Variants in FKBP3 observed in about 807,000 individuals in gnomAD.
The protein encoded by FKBP3 is FKBP prolyl isomerase 3.
Under a neutral mutation model 30.6 loss-of-function variants are expected in FKBP3, and 21 were observed. The observed-to-expected ratio is 0.69, with a 90% CI of 0.49 to 0.99. The LOEUF is 0.99. Among genes scored for constraint, FKBP3 ranks in the 50% least tolerant of loss-of-function variants. The pLI is 0.00. For synonymous variants in FKBP3, 82 were observed against 91.3 expected (o/e 0.90, Z 0.58); for missense variants, 283 against 261.6 (o/e 1.08, Z -0.56).
intron 6 of FKBP3, 72 bp downstream of exon 6, chr14:45,117,956 T>C (rs1246237274): frequency 2.7e-6 from 3 of 1,125,834 alleles, no homozygotes; most frequent in African/African-American, 3.2e-5. Flanking sequence ...AGACAGCATC[T>C]TTCACATCCT....
At position 45,120,770 on chromosome 14, in the gene FKBP3, T is replaced by G. The variant is rs140785309; in HGVS notation, c.522+117A>C. 4.9e-5 allele frequency: 39 copies of G among 791,858 alleles called. No homozygotes were observed. In the African/African-American group the frequency reaches 6.0e-4, roughly 12 times the overall value. The allele number at this position is 791,858 out of a possible 1,614,324, so 49.1% of individuals were successfully genotyped here. A position where few individuals can be genotyped will look rare whatever the true frequency, so the allele number is the denominator to read the frequency against. On this transcript the variant is annotated intron_variant, in intron 5 of 6. Coordinates refer to ENST00000396062, the MANE Select transcript of FKBP3 (RefSeq NM_002013.4). Reference sequence around the variant, plus strand: ...GCTAACAATGATTATACCCAATCTGTCAGACTCCAAAGTCTGTTTCCTTTG... The same window carrying G: ...GCTAACAATGATTATACCCAATCTGGCAGACTCCAAAGTCTGTTTCCTTTG...
At chr14:45,129,716 A>C in intron 3 of FKBP3, 78 bp downstream of exon 3, 2 of 865,832 alleles carry the variant, frequency 2.3e-6, no homozygotes, top group Non-Finnish European at 1.7e-6. Flanking sequence ...CACTATGAGA[A>C]GTTAGTGCAA....
intron 3 of FKBP3, among the ~76,000 whole-genome samples, chr14:45,123,485 G>A (rs1408311905): frequency 6.6e-6 from 1 of 151,022 alleles, no homozygotes; most frequent in Non-Finnish European, 1.5e-5. Context: ...CTCTGTGGGA[G>A]CCTGATTTTG....
intron 3 of FKBP3, among the ~76,000 whole-genome samples, chr14:45,122,380 CTA>C (rs1343735226): frequency 2.0e-5 from 3 of 152,162 alleles, no homozygotes; most frequent in Non-Finnish European, 4.4e-5. Context: ...TTATCCAAAT[CTA>C]TATTTGGTTT....
rs536298530 is a variant in FKBP3 at position 45,131,628 on chromosome 14, C to CAAAA, written c.109-832_109-829dup. The stretch of plus-strand genomic sequence containing the variant: ...TAGGTGACAGAGCAAGACTCTGTCT[C>CAAAA]AAAAAAAAAAAAAAAAAAAAAAAAA... On this transcript the variant is annotated intron_variant, in intron 1 of 6. Coordinates refer to ENST00000396062, the MANE Select transcript of FKBP3 (RefSeq NM_002013.4). Among the ~76,000 whole-genome samples the CAAAA allele has an allele frequency of 4.9e-3, 192 of 39,450 alleles. 23 individuals are homozygous for CAAAA. Among genetic ancestry groups the CAAAA allele is most frequent in the African/African-American group, 0.016 (182 of 11,554 alleles). 25.9% of individuals were successfully genotyped at this position (39,450 alleles called of 152,430 possible). A position where few individuals can be genotyped will look rare whatever the true frequency, so the allele number is the denominator to read the frequency against.
At position 45,130,734 on chromosome 14, in the gene FKBP3, A is replaced by C. The variant is rs892664590; in HGVS notation, c.175T>G (p.Leu59Val). The change falls in exon 2 of 7, where the codon TTG becomes GTG. Residue 59 changes from leucine to valine, a missense_variant. Transcript: ENST00000396062. ...NVAKTANKDH[L>V]VTAYNHLFET... The stretch of plus-strand genomic sequence containing the variant: ...AAAAGATGGTTATAGGCTGTAACCA[A>C]GTGGTCCTTGTTAGCTGTCTTGGCC... 9 of 1,610,596 alleles carry C rather than the reference A, an allele frequency of 5.6e-6. No homozygotes were observed. The highest frequency in any genetic ancestry group is 2.7e-5 in the African/African-American group (2 of 74,794).
At position 45,118,054 on chromosome 14, in the gene FKBP3, G is replaced by A. The variant is rs201091062; in HGVS notation, c.594C>T (p.Tyr198=). The change falls in exon 6 of 7, where the codon TAC becomes TAT. Residue 198 remains tyrosine (Y), a synonymous_variant. Transcript: ENST00000396062. ...TGGCATCAGGCTGTCCTTTCTTTCC[G>A]TAAGCCCATTCTGGTTCAATCTCCA... ...ARLEIEPEWA[Y]GKKGQPDAKI... is the part of the protein sequence containing the mutation. 10 of 1,603,674 alleles carry A rather than the reference G, an allele frequency of 6.2e-6. No individual in the cohort carries two copies. The highest frequency in any genetic ancestry group is 5.2e-5 in the Admixed American group (3 of 57,996).
In FKBP3 at chr14:45,121,723, T is replaced by C. The variant is rs1884990606; in HGVS notation, c.319-103A>G. 7 of 1,316,300 alleles carry C rather than the reference T, an allele frequency of 5.3e-6. No individual in the cohort carries two copies. The South Asian group carries it at 1.1e-4, about 20-fold the overall frequency. 81.5% of individuals were successfully genotyped at this position (1,316,300 alleles called of 1,614,324 possible). A position where few individuals can be genotyped will look rare whatever the true frequency, so the allele number is the denominator to read the frequency against. On this transcript the variant is annotated intron_variant, in intron 3 of 6. Transcript: ENST00000396062. ...ATGACCAAAGTCAGTTTAAAGAGTTTGATGGATTTGGTAATAAATAAACAA... is the reference window on the plus strand; with the variant it reads ...ATGACCAAAGTCAGTTTAAAGAGTTCGATGGATTTGGTAATAAATAAACAA...
At chr14:45,134,277 T>A (rs910758839) in intron 1 of FKBP3, 72 bp downstream of exon 1, 2 of 1,202,168 alleles carry the variant, frequency 1.7e-6, no homozygotes, top group African/African-American at 1.5e-5. Context: ...GAATACGGAA[T>A]GTATGGGCAT....
intron 2 of FKBP3, among the ~76,000 whole-genome samples, chr14:45,130,328 G>C (rs187376770): frequency 1.3e-5 from 2 of 152,104 alleles, no homozygotes; most frequent in African/African-American, 4.8e-5. Context: ...TTAGTGAAAT[G>C]GAAACTTATT....
chr14:45,132,629 G>A (rs1468609176), intron 1 of FKBP3, among the ~76,000 whole-genome samples: 1 of 151,786 alleles, frequency 6.6e-6, no homozygotes, highest in Non-Finnish European at 1.5e-5. Flanking sequence ...CTCAATGCCT[G>A]GCCTCAACTG....
chr14:45,125,852 A>G (rs1348665520), intron 3 of FKBP3, among the ~76,000 whole-genome samples: 3 of 152,122 alleles, frequency 2.0e-5, no homozygotes, highest in South Asian at 2.1e-4. Flanking sequence ...GAGGTAGGAA[A>G]GGGCATGATG....
intron 1 of FKBP3, chr14:45,131,038 T>C (rs1885203162): frequency 6.7e-6 from 2 of 296,416 alleles, no homozygotes. Flanking sequence ...CTGAACACAG[T>C]GTTTCATCCT....
In FKBP3 at chr14:45,134,422, A is replaced by G; in HGVS notation, c.35T>C (p.Val12Ala). 1 of 1,613,548 alleles carries G rather than the reference A, an allele frequency of 6.2e-7. No individual in the cohort carries two copies. The highest frequency in any genetic ancestry group is 1.1e-5 in the South Asian group (1 of 91,070). Residue 12 changes from valine to alanine, a missense_variant, in exon 1 of 7, where the codon GTG becomes GCG. Transcript: ENST00000396062. ...AAAVPQRAWTVEQLRSEQLPK... is the reference protein window; with the variant it reads ...AAAVPQRAWTAEQLRSEQLPK... ...CAGCTGCTCACTGCGCAGCTGCTCC[A>G]CGGTCCACGCCCGCTGTGGAACGGC...
At chr14:45,126,539 C>T (rs1885102654) in intron 3 of FKBP3, among the ~76,000 whole-genome samples, 1 of 151,912 alleles carries the variant, frequency 6.6e-6, no homozygotes, top group South Asian at 2.1e-4. Flanking sequence ...GAATATGGAG[C>T]TTAGCAGCAG....
chr14:45,121,645 A>G lies in FKBP3; in HGVS notation c.319-25T>C, dbSNP rs966546009. 1.9e-6 allele frequency: 3 copies of G among 1,607,392 alleles called. No individual in the cohort carries two copies. In the African/African-American group the frequency reaches 4.0e-5, roughly 22 times the overall value. On this transcript the variant is annotated intron_variant, in intron 3 of 6. Coordinates refer to ENST00000396062, the MANE Select transcript of FKBP3 (RefSeq NM_002013.4). ...CCTAAAAACAAAAAACAACACACAC[A>G]CACAGAGTTATTAATTTGTGTCCTT...
At chr14:45,117,361 C>T (rs1038961639) in intron 6 of FKBP3, among the ~76,000 whole-genome samples, 1 of 152,192 alleles carries the variant, frequency 6.6e-6, no homozygotes, top group Non-Finnish European at 1.5e-5. Context: ...TCCCAAAGGA[C>T]TTGTTTTTTC....
chr14:45,117,405 C>G (rs1342477690), intron 6 of FKBP3, among the ~76,000 whole-genome samples: 1 of 152,196 alleles, frequency 6.6e-6, no homozygotes, highest in East Asian at 1.9e-4. Flanking sequence ...AGGAATGGAA[C>G]CAACAAAAGC....
chr14:45,134,225 C>G (rs902644235), intron 1 of FKBP3, 124 bp downstream of exon 1: 3 of 834,094 alleles, frequency 3.6e-6, no homozygotes, highest in Admixed American at 5.2e-5. Flanking sequence ...CTCCGGCCTT[C>G]CAGGCCACCG....
Sources: allele counts gnomAD v4.1 joint callset (sites outside exome capture counted in the v4.1 genomes callset), GRCh38; gene constraint gnomAD v4.1.1; transcripts MANE v1.5; gene names NCBI Gene and HGNC (gene_info 2026-07-23, HGNC 2026-07-21).